Variants in DCC observed in about 807,000 individuals in gnomAD.
DCC encodes DCC netrin 1 receptor, also known as netrin receptor DCC.
In DCC, 58 loss-of-function variants were observed where a neutral mutation model predicts 172.5. The ratio of observed to expected loss-of-function variants is 0.34; its 90% confidence interval spans 0.27 to 0.42. The LOEUF (loss-of-function observed/expected upper bound fraction) is 0.42. DCC is among the 10% of genes least tolerant of loss of function. The pLI is 1.00. For missense variants in DCC, 1,740 were observed against 1,791.0 expected, an observed-to-expected ratio of 0.97 and a Z score of 0.51; for synonymous variants, 709 against 644.5, an observed-to-expected ratio of 1.10 and a Z score of -1.52.
intron 9 of DCC, among the ~76,000 whole-genome samples, chr18:53,195,434 G>A (rs2055429163): frequency 6.6e-6 from 1 of 152,116 alleles, no homozygotes; most frequent in Non-Finnish European, 1.5e-5. Context: ...ATTTGTTGAT[G>A]GTGGTTATTA....
intron 1 of DCC, among the ~76,000 whole-genome samples, chr18:52,723,146 C>A (rs931366458): frequency 6.6e-6 from 1 of 152,138 alleles, no homozygotes; most frequent in African/African-American, 2.4e-5. Context: ...TCCGGAAATT[C>A]ATAGGATGTT....
Position 52,662,067 on chromosome 18 carries a change from A to G in DCC, c.92-89987A>G, listed in dbSNP as rs867297447. Among the ~76,000 whole-genome samples the G allele has an allele frequency of 4.6e-5, 7 of 152,342 alleles. 1 individual carries two copies. In the South Asian group the frequency reaches 1.4e-3, roughly 32 times the overall value. On this transcript the variant is annotated intron_variant, in intron 1 of 28. Coordinates refer to ENST00000442544, the MANE Select transcript of DCC (RefSeq NM_005215.4). The stretch of plus-strand genomic sequence containing the variant: ...AATGTAGGAGAAAAGAAAAATTAGA[A>G]GGTCAGTCTAGGACAGTGATTCTCT...
intron 5 of DCC, among the ~76,000 whole-genome samples, chr18:53,023,356 AAT>A (rs1380901736): frequency 9.8e-5 from 14 of 142,678 alleles, no homozygotes; most frequent in African/African-American, 3.2e-4. Context: ...ACATAAAAAA[AAT>A]AAAAATAAAA....
intron 17 of DCC, among the ~76,000 whole-genome samples, chr18:53,393,168 C>T (rs1180559175): frequency 6.6e-6 from 1 of 152,122 alleles, no homozygotes; most frequent in Non-Finnish European, 1.5e-5. Flanking sequence ...TTTTTTAACC[C>T]CAATCCTGGA....
Position 53,030,439 on chromosome 18 carries a change from C to A in DCC, c.986-32866C>A, listed in dbSNP as rs963326719. Among the ~76,000 whole-genome samples, 6 of 151,762 alleles carry A rather than the reference C, an allele frequency of 4.0e-5. No individual in the cohort carries two copies. In the South Asian group the frequency reaches 1.2e-3, roughly 32 times the overall value. ...AACAGGGTCTATTCCATTTTCATTT[C>A]TATTTTAGTATTCTATCTAGTATTC... On this transcript the variant is annotated intron_variant, in intron 5 of 28. Coordinates refer to ENST00000442544, the MANE Select transcript of DCC (RefSeq NM_005215.4).
intron 2 of DCC, among the ~76,000 whole-genome samples, chr18:52,762,689 T>C (rs1203183512): frequency 1.3e-5 from 2 of 151,946 alleles, no homozygotes; most frequent in African/African-American, 4.8e-5. Context: ...CCAGGTATGG[T>C]AGTACATGCC....
chr18:52,816,365 T>C (rs943046781), intron 2 of DCC, among the ~76,000 whole-genome samples: 1 of 152,210 alleles, frequency 6.6e-6, no homozygotes, highest in South Asian at 2.1e-4. Flanking sequence ...TCAGCTGCTC[T>C]GGTGGGTCAT....
chr18:53,135,163 A>G (rs2043721086), intron 7 of DCC, among the ~76,000 whole-genome samples: 1 of 152,098 alleles, frequency 6.6e-6, no homozygotes, highest in East Asian at 1.9e-4. Context: ...GCTTATTGGA[A>G]CAGACTGACG....
intron 28 of DCC, among the ~76,000 whole-genome samples, chr18:53,529,028 TCTCTCTCTCTCACACACACACA>T (rs1240746069): frequency 3.7e-4 from 24 of 65,458 alleles, no homozygotes; most frequent in African/African-American, 1.8e-3. Context: ...TCTCTCTCTC[TCTCTCTCTCTCACACACACACA>T]CACACACACA....
At chr18:53,087,745 T>G (rs922509967) in intron 7 of DCC, among the ~76,000 whole-genome samples, 72 of 152,276 alleles carry the variant, frequency 4.7e-4, no homozygotes, top group Middle Eastern at 3.4e-3. Flanking sequence ...GGTCTAACGT[T>G]TAAGTCTTTA....
chr18:52,772,737 T>G lies in DCC; in HGVS notation c.412+20363T>G, dbSNP rs148901015. Reference sequence around the variant, plus strand: ...ATATTGGGTGGTGTTTTGTCTTTCTTTATTTCTTTCTTTCATGGTAAGGAC... The same window carrying G: ...ATATTGGGTGGTGTTTTGTCTTTCTGTATTTCTTTCTTTCATGGTAAGGAC... On this transcript the variant is annotated intron_variant, in intron 2 of 28. Coordinates refer to ENST00000442544, the MANE Select transcript of DCC (RefSeq NM_005215.4). 4.1e-3 allele frequency among the ~76,000 whole-genome samples: 622 copies of G among 152,318 alleles called. 3 individuals are homozygous for G. Among genetic ancestry groups the G allele is most frequent in the Non-Finnish European group, 7.3e-3 (498 of 68,018 alleles).
chr18:53,013,495 G>A (rs781405650), intron 5 of DCC, among the ~76,000 whole-genome samples: 1 of 151,910 alleles, frequency 6.6e-6, no homozygotes, highest in Non-Finnish European at 1.5e-5. Context: ...ATTGAACAAT[G>A]AGAACACATG....
At chr18:53,029,774 G>C (rs1028468773) in intron 5 of DCC, among the ~76,000 whole-genome samples, 2 of 152,096 alleles carry the variant, frequency 1.3e-5, no homozygotes, top group African/African-American at 4.8e-5. Context: ...AGTCCCATGT[G>C]GCTTGGTAAG....
Position 52,515,606 on chromosome 18 carries a change from C to CAAAAAAAAAAAAAAAAA in DCC, c.91+174732_91+174748dup, listed in dbSNP as rs58112743. Among the ~76,000 whole-genome samples, 21 of 10,330 alleles carry CAAAAAAAAAAAAAAAAA rather than the reference C, an allele frequency of 2.0e-3. 2 individuals are homozygous for CAAAAAAAAAAAAAAAAA. Among genetic ancestry groups the CAAAAAAAAAAAAAAAAA allele is most frequent in the Middle Eastern group, 0.12 (1 of 8 alleles). The allele number at this position is 10,330 out of a possible 152,430, so 6.8% of individuals were successfully genotyped here. On this transcript the variant is annotated intron_variant, in intron 1 of 28. Transcript: ENST00000442544. Reference sequence around the variant, plus strand: ...TGGGCGACAGAGCGAAACCCTGTCTCAAAAAAAAAAAAAAAAAAAATCATA... The same window carrying CAAAAAAAAAAAAAAAAA: ...TGGGCGACAGAGCGAAACCCTGTCTCAAAAAAAAAAAAAAAAAAAAAAAAAAAAAAAAAAAAATCATA...
At chr18:52,911,069 C>A (rs2039964546) in intron 3 of DCC, among the ~76,000 whole-genome samples, 1 of 152,082 alleles carries the variant, frequency 6.6e-6, no homozygotes, top group South Asian at 2.1e-4. Flanking sequence ...ATATTACTTA[C>A]ATTTCAAAAC....
intron 22 of DCC, among the ~76,000 whole-genome samples, chr18:53,447,883 C>T (rs781732370): frequency 1.3e-5 from 2 of 152,018 alleles, no homozygotes; most frequent in Non-Finnish European, 2.9e-5. Context: ...AAAATTACTT[C>T]AAGGAAATCC....
intron 27 of DCC, among the ~76,000 whole-genome samples, chr18:53,511,788 T>C (rs566994748): frequency 6.6e-6 from 1 of 152,286 alleles, no homozygotes; most frequent in African/African-American, 2.4e-5. Flanking sequence ...GAGTATATCC[T>C]GCACCTGGCT....
At chr18:52,753,594 T>A (rs1032101187) in intron 2 of DCC, among the ~76,000 whole-genome samples, 1 of 152,186 alleles carries the variant, frequency 6.6e-6, no homozygotes, top group African/African-American at 2.4e-5. Flanking sequence ...AACATATACA[T>A]GTCAAGTAAG....
intron 25 of DCC, among the ~76,000 whole-genome samples, chr18:53,478,017 G>C (rs955134403): frequency 6.6e-6 from 1 of 152,238 alleles, no homozygotes; most frequent in African/African-American, 2.4e-5. Flanking sequence ...GAGACTGGAA[G>C]ATAGGAGATT....
Sources: allele counts gnomAD v4.1 joint callset (sites outside exome capture counted in the v4.1 genomes callset), GRCh38; gene constraint gnomAD v4.1.1; transcripts MANE v1.5; gene names NCBI Gene and HGNC (gene_info 2026-07-23, HGNC 2026-07-21).